Variants in AKNA observed in about 807,000 individuals in gnomAD.
The protein encoded by AKNA is AT-hook transcription factor, also known as microtubule organization protein AKNA.
AKNA carries 67 observed loss-of-function variants against 138.8 expected under a neutral mutation model. The observed-to-expected ratio is 0.48, with a 90% CI of 0.40 to 0.59. The LOEUF is 0.59. AKNA is among the 20% of genes least tolerant of loss of function. AKNA has a pLI of 0.00. For synonymous variants in AKNA, 737 were observed against 754.4 expected, an observed-to-expected ratio of 0.98 and a Z score of 0.38; for missense variants, 1,813 against 1,880.4, an observed-to-expected ratio of 0.96 and a Z score of 0.66.
intron 1 of AKNA, among the ~76,000 whole-genome samples, chr9:114,386,279 G>T (rs1449738220): frequency 6.6e-6 from 1 of 152,210 alleles, no homozygotes; most frequent in African/African-American, 2.4e-5. Flanking sequence ...ACGGTGGGGG[G>T]TAGTACAATA....
chr9:114,348,355 A>T (rs1245029601), intron 15 of AKNA, among the ~76,000 whole-genome samples: 1 of 152,124 alleles, frequency 6.6e-6, no homozygotes, highest in Non-Finnish European at 1.5e-5. Context: ...ATCTCCCCAC[A>T]CAGACAGTGA....
chr9:114,343,459 T>G (rs1173101466), intron 19 of AKNA, among the ~76,000 whole-genome samples: 1 of 152,230 alleles, frequency 6.6e-6, no homozygotes, highest in Non-Finnish European at 1.5e-5. Flanking sequence ...CCAGGTCCCC[T>G]GCTGCCTGGA....
intron 5 of AKNA, 41 bp downstream of exon 5, chr9:114,368,398 G>A: frequency 7.6e-7 from 1 of 1,310,370 alleles, no homozygotes; most frequent in Non-Finnish European, 9.8e-7. Flanking sequence ...AGAATCCCAG[G>A]CAGAAGGAGC....
At chr9:114,365,941 T>C (rs1832314169) in intron 6 of AKNA, among the ~76,000 whole-genome samples, 1 of 152,142 alleles carries the variant, frequency 6.6e-6, no homozygotes, top group African/African-American at 2.4e-5. Context: ...CTTTATTTTG[T>C]GGACAACATA....
At chr9:114,364,892 C>T (rs1832230938) in intron 6 of AKNA, among the ~76,000 whole-genome samples, 1 of 152,170 alleles carries the variant, frequency 6.6e-6, no homozygotes, top group Non-Finnish European at 1.5e-5. Context: ...AGGATATTTA[C>T]TGCAGCATGA....
At chr9:114,331,621 T>C, downstream of AKNA, 1 of 1,613,954 alleles carries the variant, frequency 6.2e-7, no homozygotes, top group East Asian at 2.2e-5. Context: ...ACCAAGACCT[T>C]GATGTTTGGT....
At chr9:114,393,398 T>C (rs1834422687) in intron 1 of AKNA, among the ~76,000 whole-genome samples, 1 of 145,624 alleles carries the variant, frequency 6.9e-6, no homozygotes, top group Non-Finnish European at 1.5e-5. Context: ...TTTTTTTTTT[T>C]GTATTTTTAG....
Position 114,347,771 on chromosome 9 carries a change from G to C in AKNA, c.3351C>G (p.Arg1117=). The C allele has an allele frequency of 6.5e-7, 1 of 1,542,352 alleles. No individual in the cohort carries two copies. The highest frequency in any genetic ancestry group is 2.5e-5 in the East Asian group (1 of 40,048). ...ASAFDRPART[R]GRPADSPATW... Reference sequence around the variant, plus strand: ...TGGCTGGGGAGTCTGCTGGCCGGCCGCGGGTCCGGGCGGGGCGGTCAAAGG... The same window carrying C: ...TGGCTGGGGAGTCTGCTGGCCGGCCCCGGGTCCGGGCGGGGCGGTCAAAGG... The change falls in exon 16 of 22, where the codon CGC becomes CGG. Residue 1117 remains arginine, a synonymous_variant. Coordinates refer to ENST00000374088, the MANE Select transcript of AKNA (RefSeq NM_001317950.2).
downstream of AKNA, among the ~76,000 whole-genome samples, chr9:114,331,332 G>A (rs1829847841): frequency 6.6e-6 from 1 of 152,068 alleles, no homozygotes; most frequent in Non-Finnish European, 1.5e-5. Flanking sequence ...TGTAAAACGG[G>A]GAGAAAGGCC....
intron 9 of AKNA, 21 bp downstream of exon 9, chr9:114,361,683 T>C: frequency 1.2e-6 from 2 of 1,611,878 alleles, no homozygotes; most frequent in Non-Finnish European, 8.5e-7. Context: ...AACAGCCCAA[T>C]ATGGTTGAGC....
chr9:114,377,192 T>C lies in AKNA; in HGVS notation c.615A>G (p.Thr205=), dbSNP rs1448972203. Residue 205 remains threonine (T), a synonymous_variant, in exon 3 of 22, where the codon ACA becomes ACG. Transcript: ENST00000374088. ...TGTCACTAGGGTGGTCGAGGCTCAC[T>C]GTCCCACTGCTCCAGGACCTTGCCG... is the stretch of plus-strand genomic sequence containing the variant. ...LSPARSWSSG[T]VSLDHPSDSL... is the part of the protein sequence containing the mutation. 6.2e-7 allele frequency: 1 copy of C among 1,614,082 alleles called. No homozygotes were observed. Among genetic ancestry groups the C allele is most frequent in the Non-Finnish European group, 8.5e-7 (1 of 1,180,026 alleles).
rs141243690 is a variant in AKNA, at chr9:114,356,398, C to T, written c.2847-262G>A. ...ATAAAAGAGAAATAGGATTTCTAAT[C>T]CTTCCTTTGCATGCACCCTTGGGTT... On this transcript the variant is annotated intron_variant, in intron 13 of 21. Transcript: ENST00000374088. Among the ~76,000 whole-genome samples the T allele has an allele frequency of 2.7e-3, 405 of 152,194 alleles. 4 individuals are homozygous for T. Among genetic ancestry groups the T allele is most frequent in the Middle Eastern group, 6.8e-3 (2 of 294 alleles).
upstream of AKNA, among the ~76,000 whole-genome samples, chr9:114,388,889 C>T (rs538122414): frequency 1.3e-5 from 2 of 152,296 alleles, no homozygotes; most frequent in South Asian, 2.1e-4. Flanking sequence ...CGATCCGTGT[C>T]CCAGGCCAGG....
In AKNA at chr9:114,355,981, G is replaced by A; in HGVS notation, c.3002C>T (p.Pro1001Leu). ...AQRYLSSPSG[P>L]LRQRAPNFSL... is the part of the protein sequence containing the mutation. Reference sequence around the variant, plus strand: ...GAAGTTGGGTGCCCTCTGCCGGAGAGGCCCACTTGGGCTGGAGAGGTACCT... The same window carrying A: ...GAAGTTGGGTGCCCTCTGCCGGAGAAGCCCACTTGGGCTGGAGAGGTACCT... Residue 1001 changes from proline to leucine, a missense_variant, in exon 14 of 22, where the codon CCT becomes CTT. Physicochemically the swap from Pro to Leu is moderately conservative, Grantham distance 98. Transcript: ENST00000374088. 1.2e-6 allele frequency: 2 copies of A among 1,614,212 alleles called. No homozygotes were observed. Among genetic ancestry groups the A allele is most frequent in the Non-Finnish European group, 1.7e-6 (2 of 1,180,034 alleles).
At chr9:114,379,216 C>G (rs1833459397) in intron 2 of AKNA, among the ~76,000 whole-genome samples, 1 of 152,218 alleles carries the variant, frequency 6.6e-6, no homozygotes, top group South Asian at 2.1e-4. Context: ...TCCTATCACC[C>G]CTCACTGGGG....
chr9:114,358,175 G>C lies in AKNA; in HGVS notation c.2493-8C>G, dbSNP rs1831647472. 1 of 1,613,630 alleles carries C rather than the reference G, an allele frequency of 6.2e-7. No individual in the cohort carries two copies. Among genetic ancestry groups the C allele is most frequent in the South Asian group, 1.1e-5 (1 of 91,048 alleles). ...ATCTTCTCCGTGGCCTCCCTGGCAT[G>C]GGAAGAGAAGACCATCCTTGAGTTC... is the stretch of plus-strand genomic sequence containing the variant. On this transcript the variant is annotated splice_region_variant and splice_polypyrimidine_tract_variant and intron_variant, in intron 11 of 21. Transcript: ENST00000374088.
chr9:114,350,840 A>G lies in AKNA; in HGVS notation c.3221+19T>C. The G allele has an allele frequency of 6.5e-7, 1 of 1,529,456 alleles. No homozygotes were observed. The highest frequency in any genetic ancestry group is 8.8e-7 in the Non-Finnish European group (1 of 1,139,540). 94.7% of individuals were successfully genotyped at this position (1,529,456 alleles called of 1,614,324 possible). On this transcript the variant is annotated intron_variant, in intron 15 of 21. Coordinates refer to ENST00000374088, the MANE Select transcript of AKNA (RefSeq NM_001317950.2). Reference sequence around the variant, plus strand: ...TGTATGATGAGCTTGAATCCCCAGGATCCAAGTGTCTAACTTACTCTCGCC... The same window carrying G: ...TGTATGATGAGCTTGAATCCCCAGGGTCCAAGTGTCTAACTTACTCTCGCC...
At chr9:114,360,282 A>G (rs113626518) in intron 9 of AKNA, among the ~76,000 whole-genome samples, 3 of 152,258 alleles carry the variant, frequency 2.0e-5, no homozygotes, top group African/African-American at 7.2e-5. Context: ...TGTGCCAGGC[A>G]CCATACAGAT....
chr9:114,352,695 G>A lies in AKNA; in HGVS notation c.3059-1674C>T, dbSNP rs551918711. ...CCCAGCACTTTGGGAGGCCGAGGCG[G>A]GCGGGTCACAAGGTCAGGAGTTCGA... On this transcript the variant is annotated intron_variant, in intron 14 of 21. Transcript: ENST00000374088. Among the ~76,000 whole-genome samples the A allele has an allele frequency of 4.6e-5, 7 of 152,240 alleles. No individual in the cohort carries two copies. In the South Asian group the frequency reaches 1.0e-3, roughly 23 times the overall value.
Sources: allele counts gnomAD v4.1 joint callset (sites outside exome capture counted in the v4.1 genomes callset), GRCh38; gene constraint gnomAD v4.1.1; transcripts MANE v1.5; gene names NCBI Gene and HGNC (gene_info 2026-07-23, HGNC 2026-07-21).